ENOX1: variants seen among roughly 807,000 people sequenced by gnomAD.
The protein encoded by ENOX1 is ecto-NOX disulfide-thiol exchanger 1.
In ENOX1, 42 loss-of-function variants were observed where a neutral mutation model predicts 82.5. That is an observed-to-expected ratio of 0.51 (90% CI 0.40 to 0.66). ENOX1 has a LOEUF of 0.66. Among genes scored for constraint, ENOX1 ranks in the 30% least tolerant of loss-of-function variants. ENOX1 has a pLI of 0.00. For missense variants in ENOX1, 608 were observed against 811.6 expected, an observed-to-expected ratio of 0.75 and a Z score of 3.05; for synonymous variants, 271 against 282.2, an observed-to-expected ratio of 0.96 and a Z score of 0.40.
At chr13:43,672,184 T>A (rs2085300494) in intron 1 of ENOX1, among the ~76,000 whole-genome samples, 1 of 152,126 alleles carries the variant, frequency 6.6e-6, no homozygotes, top group Admixed American at 6.6e-5. Flanking sequence ...TGCACTTACA[T>A]CTGAAAAGGA....
At chr13:43,655,814 A>G (rs2084405552) in intron 2 of ENOX1, among the ~76,000 whole-genome samples, 1 of 152,000 alleles carries the variant, frequency 6.6e-6, no homozygotes, top group Admixed American at 6.6e-5. Context: ...CTCTCCTCTT[A>G]ATATGTTCCC....
chr13:43,695,819 C>T (rs2086614937), intron 1 of ENOX1, among the ~76,000 whole-genome samples: 3 of 152,110 alleles, frequency 2.0e-5, no homozygotes, highest in South Asian at 2.1e-4. Flanking sequence ...AAATATTCCC[C>T]GTTTTTAAGT....
chr13:43,666,245 A>G (rs1007909670), intron 2 of ENOX1, among the ~76,000 whole-genome samples: 3 of 152,166 alleles, frequency 2.0e-5, no homozygotes, highest in Non-Finnish European at 4.4e-5. Flanking sequence ...GCAAAGCTCA[A>G]TAAAACCAAG....
intron 1 of ENOX1, among the ~76,000 whole-genome samples, chr13:43,739,557 A>G (rs980381883): frequency 6.7e-6 from 1 of 148,490 alleles, no homozygotes; most frequent in Non-Finnish European, 1.5e-5. Context: ...CTCAAATAAT[A>G]ATAATTATTA....
chr13:43,575,530 G>C (rs2080384547), intron 2 of ENOX1, among the ~76,000 whole-genome samples: 1 of 152,150 alleles, frequency 6.6e-6, no homozygotes, highest in Admixed American at 6.5e-5. Flanking sequence ...ACACCTTCCT[G>C]AACAACTTGT....
At chr13:43,651,221 AAGGAAGAAGAGG>A (rs1282233686) in intron 2 of ENOX1, among the ~76,000 whole-genome samples, 4 of 152,160 alleles carry the variant, frequency 2.6e-5, no homozygotes, top group Non-Finnish European at 5.9e-5. Flanking sequence ...ATTATCTAAA[AAGGAAGAAGAGG>A]AGGAAGAAGA....
At chr13:43,648,497 T>TG (rs1422987714) in intron 2 of ENOX1, among the ~76,000 whole-genome samples, 1 of 152,138 alleles carries the variant, frequency 6.6e-6, no homozygotes, top group African/African-American at 2.4e-5. Context: ...AGGGCAGAGC[T>TG]GGGGAAACAG....
intron 14 of ENOX1, among the ~76,000 whole-genome samples, chr13:43,260,586 C>A (rs2043999575): frequency 6.6e-6 from 1 of 152,170 alleles, no homozygotes; most frequent in African/African-American, 2.4e-5. Flanking sequence ...TCCTTCCCCT[C>A]CACCAGACAC....
intron 2 of ENOX1, among the ~76,000 whole-genome samples, chr13:43,532,926 A>C (rs1020943540): frequency 1.3e-5 from 2 of 151,538 alleles, no homozygotes; most frequent in African/African-American, 4.8e-5. Flanking sequence ...TTCATTTCTA[A>C]TACAGTATTG....
intron 9 of ENOX1, among the ~76,000 whole-genome samples, chr13:43,340,824 T>G (rs1250603579): frequency 6.6e-6 from 1 of 152,342 alleles, no homozygotes; most frequent in South Asian, 2.1e-4. Flanking sequence ...ATCTACTCAT[T>G]CATTCACTCA....
At chr13:43,644,544 G>A (rs1457607635) in intron 2 of ENOX1, among the ~76,000 whole-genome samples, 1 of 152,120 alleles carries the variant, frequency 6.6e-6, no homozygotes, top group Non-Finnish European at 1.5e-5. Context: ...AGAATTTAAA[G>A]CTTCACCCAA....
In ENOX1 at chr13:43,456,829, C is replaced by T. The variant is rs143792825; in HGVS notation, c.-75+27180G>A. Among the ~76,000 whole-genome samples, 1,351 of 152,266 alleles carry T rather than the reference C, an allele frequency of 8.9e-3. 12 individuals are homozygous for T. Among genetic ancestry groups the T allele is most frequent in the Middle Eastern group, 0.027 (8 of 294 alleles). On this transcript the variant is annotated intron_variant, in intron 3 of 16. Coordinates refer to ENST00000690772, the MANE Select transcript of ENOX1 (RefSeq NM_001347969.2). The stretch of plus-strand genomic sequence containing the variant: ...CTGTTGGTCTGAAGCTCCTGGCAAT[C>T]AATTCTCCTTTTTCCAGTCTCATGA...
chr13:43,778,314 T>C (rs1374612125), intron 1 of ENOX1, among the ~76,000 whole-genome samples: 1 of 152,190 alleles, frequency 6.6e-6, no homozygotes, highest in Non-Finnish European at 1.5e-5. Flanking sequence ...TTTCTCTCAC[T>C]CTCTTTACCC....
chr13:43,718,041 A>C (rs974286306), intron 1 of ENOX1, among the ~76,000 whole-genome samples: 8 of 152,350 alleles, frequency 5.3e-5, no homozygotes, highest in Admixed American at 1.3e-4. Context: ...GTATATACCC[A>C]AAAGAAAATA....
intron 14 of ENOX1, among the ~76,000 whole-genome samples, chr13:43,259,582 C>A (rs1433117991): frequency 6.6e-6 from 1 of 152,204 alleles, no homozygotes; most frequent in Non-Finnish European, 1.5e-5. Flanking sequence ...TCAAGCAATT[C>A]TCCTACCTCA....
Position 43,626,917 on chromosome 13 carries a change from C to A in ENOX1, c.-219+40562G>T, listed in dbSNP as rs555327153. 9.9e-5 allele frequency among the ~76,000 whole-genome samples: 15 copies of A among 151,872 alleles called. 1 individual carries two copies. The South Asian group carries it at 3.1e-3, about 32-fold the overall frequency. On this transcript the variant is annotated intron_variant, in intron 2 of 16. Transcript: ENST00000690772. Reference sequence around the variant, plus strand: ...CTCTCCACATATAATTGTAGATTTGCCTGTTTCTCCTTTCTATTCTATCAG... The same window carrying A: ...CTCTCCACATATAATTGTAGATTTGACTGTTTCTCCTTTCTATTCTATCAG...
chr13:43,598,426 T>C (rs1267584551), intron 2 of ENOX1, among the ~76,000 whole-genome samples: 4 of 152,218 alleles, frequency 2.6e-5, no homozygotes, highest in Non-Finnish European at 4.4e-5. Context: ...AAAGTACTAG[T>C]ATCAGAACTC....
intron 5 of ENOX1, among the ~76,000 whole-genome samples, chr13:43,407,953 C>G (rs758696338): frequency 2.6e-5 from 4 of 152,210 alleles, no homozygotes; most frequent in Non-Finnish European, 4.4e-5. Context: ...TATCATCTCA[C>G]AGAACAGCCA....
chr13:43,534,694 T>C (rs916065890), intron 2 of ENOX1, among the ~76,000 whole-genome samples: 1 of 152,170 alleles, frequency 6.6e-6, no homozygotes, highest in African/African-American at 2.4e-5. Flanking sequence ...CCAGTATTTG[T>C]CAACTGGCAA....
Sources: allele counts gnomAD v4.1 joint callset (sites outside exome capture counted in the v4.1 genomes callset), GRCh38; gene constraint gnomAD v4.1.1; transcripts MANE v1.5; gene names NCBI Gene and HGNC (gene_info 2026-07-23, HGNC 2026-07-21).